MARCHF6: variants seen among roughly 807,000 people sequenced by gnomAD.
MARCHF6 encodes membrane associated ring-CH-type finger 6, also known as E3 ubiquitin-protein ligase MARCHF6.
Under a neutral mutation model 133.7 loss-of-function variants are expected in MARCHF6, and 31 were observed. That is an observed-to-expected ratio of 0.23 (90% CI 0.17 to 0.31). MARCHF6 has a LOEUF of 0.31. MARCHF6 is among the 10% of genes least tolerant of loss of function. The pLI, the probability that MARCHF6 is intolerant of heterozygous loss-of-function variation, is 1.00. For missense variants in MARCHF6, 723 were observed against 1,121.6 expected (o/e 0.64, Z 5.08); for synonymous variants, 395 against 402.5 (o/e 0.98, Z 0.22).
intron 1 of MARCHF6, among the ~76,000 whole-genome samples, chr5:10,360,144 GTT>G (rs1164778520): frequency 1.3e-5 from 1 of 75,094 alleles, no homozygotes; most frequent in African/African-American, 5.4e-5. Flanking sequence ...ATGTGTGTGT[GTT>G]TTTTTTTTTT....
chr5:10,423,963 T>A, intron 23 of MARCHF6, 139 bp downstream of exon 23: 1 of 494,864 alleles, frequency 2.0e-6, no homozygotes, highest in South Asian at 4.6e-5. Flanking sequence ...AACCTTTTTT[T>A]TTTTTTTTAA....
intron 3 of MARCHF6, among the ~76,000 whole-genome samples, chr5:10,379,310 C>A (rs1736984903): frequency 6.6e-6 from 1 of 151,838 alleles, no homozygotes; most frequent in Admixed American, 6.6e-5. Context: ...GGTAAGGGTT[C>A]TTTTTCAAAA....
intron 1 of MARCHF6, among the ~76,000 whole-genome samples, chr5:10,374,777 C>T (rs921147262): frequency 6.6e-6 from 1 of 152,170 alleles, no homozygotes; most frequent in African/African-American, 2.4e-5. Context: ...CTAGCAGCTT[C>T]CAGGAAACCA....
In MARCHF6 at chr5:10,435,098, T is replaced by C. The variant is rs1437668077; in HGVS notation, c.*1414T>C. Reference sequence around the variant, plus strand: ...TCATAGAAAGCGTATAACATAGGTCTTCAGAAACTATAAAAGAATTTTCAT... The same window carrying C: ...TCATAGAAAGCGTATAACATAGGTCCTCAGAAACTATAAAAGAATTTTCAT... On this transcript the variant is annotated 3_prime_UTR_variant, in exon 26 of 26. Transcript: ENST00000274140. 6.6e-6 allele frequency: 1 copy of C among 152,632 alleles called. No individual in the cohort carries two copies. The highest frequency in any genetic ancestry group is 2.4e-5 in the African/African-American group (1 of 41,460). The allele number at this position is 152,632 out of a possible 1,614,324, so 9.5% of individuals were successfully genotyped here. A position where few individuals can be genotyped will look rare whatever the true frequency, so the allele number is the denominator to read the frequency against.
intron 4 of MARCHF6, among the ~76,000 whole-genome samples, chr5:10,383,291 G>A (rs1316242893): frequency 3.9e-5 from 6 of 152,300 alleles, no homozygotes; most frequent in African/African-American, 1.4e-4. Flanking sequence ...AGTCTAGTCT[G>A]TCTAGTAAGT....
chr5:10,421,578 A>G (rs910532970), intron 22 of MARCHF6, among the ~76,000 whole-genome samples: 1 of 152,236 alleles, frequency 6.6e-6, no homozygotes, highest in Admixed American at 6.5e-5. Context: ...CTAGCAGAGC[A>G]GCTAGTGTGG....
chr5:10,390,318 T>A lies in MARCHF6; in HGVS notation c.408-14T>A. On this transcript the variant is annotated splice_polypyrimidine_tract_variant and intron_variant, in intron 5 of 25. Transcript: ENST00000274140. ...CTTCTTTGGAGTAATTATATGTACT[T>A]TTTTTTTTAATAGGGAAAATTTGTT... The A allele has an allele frequency of 6.2e-7, 1 of 1,606,220 alleles. No individual in the cohort carries two copies. The highest frequency in any genetic ancestry group is 1.1e-5 in the South Asian group (1 of 89,736).
chr5:10,357,779 AT>A (rs1735567292), intron 1 of MARCHF6, among the ~76,000 whole-genome samples: 1 of 152,146 alleles, frequency 6.6e-6, no homozygotes, highest in Non-Finnish European at 1.5e-5. Flanking sequence ...GCACTATTCT[AT>A]GCATTTGGGC....
intron 14 of MARCHF6, among the ~76,000 whole-genome samples, chr5:10,402,895 T>TTA (rs1393584861): frequency 6.6e-6 from 1 of 152,108 alleles, no homozygotes; most frequent in African/African-American, 2.4e-5. Flanking sequence ...TGCCAAGACA[T>TTA]TATATACATA....
intron 9 of MARCHF6, among the ~76,000 whole-genome samples, chr5:10,395,222 G>A (rs1453185526): frequency 6.6e-6 from 1 of 152,300 alleles, no homozygotes; most frequent in Non-Finnish European, 1.5e-5. Context: ...GTTGAAGATT[G>A]TATGTTTAGT....
chr5:10,415,714 T>G lies in MARCHF6; in HGVS notation c.2148+45T>G, dbSNP rs923557854. 4.8e-6 allele frequency: 7 copies of G among 1,466,442 alleles called. No individual in the cohort carries two copies. In the African/African-American group the frequency reaches 9.8e-5, roughly 21 times the overall value. 90.8% of individuals were successfully genotyped at this position (1,466,442 alleles called of 1,614,324 possible). A position where few individuals can be genotyped will look rare whatever the true frequency, so the allele number is the denominator to read the frequency against. On this transcript the variant is annotated intron_variant, in intron 21 of 25. Transcript: ENST00000274140. Reference sequence around the variant, plus strand: ...GACTGATCTTGTATGTTAGGAATAGTGAATATTTTTCCAGTCATCTTAAAT... The same window carrying G: ...GACTGATCTTGTATGTTAGGAATAGGGAATATTTTTCCAGTCATCTTAAAT...
Position 10,435,697 on chromosome 5 carries a change from ATTTTTTTTTTTTTTT to A in MARCHF6, c.*2030_*2044del, listed in dbSNP as rs60984668. Reference sequence around the variant, plus strand: ...TATATATATATATATATATATATATATTTTTTTTTTTTTTTTTTTTTTTTTTTTTTTGCCCCCGAG... The same window carrying A: ...TATATATATATATATATATATATATATTTTTTTTTTTTTTTTGCCCCCGAG... On this transcript the variant is annotated 3_prime_UTR_variant, in exon 26 of 26. Transcript: ENST00000274140. 14 of 5,862 alleles carry A rather than the reference ATTTTTTTTTTTTTTT, an allele frequency of 2.4e-3. No individual in the cohort carries two copies. The highest frequency in any genetic ancestry group is 5.9e-3 in the African/African-American group (11 of 1,872). The allele number at this position is 5,862 out of a possible 1,614,324, so 0.4% of individuals were successfully genotyped here.
At chr5:10,423,286 A>G (rs747872314) in intron 22 of MARCHF6, among the ~76,000 whole-genome samples, 1 of 152,202 alleles carries the variant, frequency 6.6e-6, no homozygotes. Context: ...GTTCCCCAGT[A>G]GAACCACAAA....
chr5:10,435,678 TATATATATATATATATATA>T lies in MARCHF6; in HGVS notation c.*1995_*2013del, dbSNP rs1171978259. Reference sequence around the variant, plus strand: ...ATATATATATATATATATATATATATATATATATATATATATATATTTTTTTTTTTTTTTTTTTTTTTTT... The same window carrying T: ...ATATATATATATATATATATATATATTTTTTTTTTTTTTTTTTTTTTTTTT... On this transcript the variant is annotated 3_prime_UTR_variant, in exon 26 of 26. Transcript: ENST00000274140. 22 of 16,500 alleles carry T rather than the reference TATATATATATATATATATA, an allele frequency of 1.3e-3. 3 individuals are homozygous for T. Among genetic ancestry groups the T allele is most frequent in the Non-Finnish European group, 2.5e-3 (20 of 7,940 alleles). 1.0% of individuals were successfully genotyped at this position (16,500 alleles called of 1,614,324 possible).
In MARCHF6 at chr5:10,427,697, T is replaced by C. The variant is rs577495627; in HGVS notation, c.2506+1175T>C. ...TATGTTACCTTACTAGGTCAAGAAATAGAACTTTTCCAGCCCTTTGGAAGC... is the reference window on the plus strand; with the variant it reads ...TATGTTACCTTACTAGGTCAAGAAACAGAACTTTTCCAGCCCTTTGGAAGC... On this transcript the variant is annotated intron_variant, in intron 24 of 25. Transcript: ENST00000274140. Among the ~76,000 whole-genome samples, 5 of 152,256 alleles carry C rather than the reference T, an allele frequency of 3.3e-5. No individual in the cohort carries two copies. The East Asian group carries it at 7.7e-4, about 23-fold the overall frequency.
rs1301946978 is a variant in MARCHF6 at position 10,435,623 on chromosome 5, CTATATAACTATATAACTATATA to C, written c.*1946_*1967del. 27 of 12,552 alleles carry C rather than the reference CTATATAACTATATAACTATATA, an allele frequency of 2.2e-3. 5 individuals are homozygous for C. Among genetic ancestry groups the C allele is most frequent in the African/African-American group, 3.7e-3 (19 of 5,120 alleles). 0.8% of individuals were successfully genotyped at this position (12,552 alleles called of 1,614,324 possible). A position where few individuals can be genotyped will look rare whatever the true frequency, so the allele number is the denominator to read the frequency against. On this transcript the variant is annotated 3_prime_UTR_variant, in exon 26 of 26. Coordinates refer to ENST00000274140, the MANE Select transcript of MARCHF6 (RefSeq NM_005885.4). ...CATTATTATTGAATTGAGCATATAA[CTATATAACTATATAACTATATA>C]TATATATATATATATATATATATAT... is the stretch of plus-strand genomic sequence containing the variant.
At chr5:10,356,787 C>T (rs1239089501) in intron 1 of MARCHF6, among the ~76,000 whole-genome samples, 1 of 152,152 alleles carries the variant, frequency 6.6e-6, no homozygotes, top group African/African-American at 2.4e-5. Context: ...AGTAAGTCTT[C>T]CCTTCCTTTT....
Position 10,386,998 on chromosome 5 carries a change from C to T in MARCHF6, c.339C>T (p.Arg113=), listed in dbSNP as rs1737518601. 4 of 1,613,036 alleles carry T rather than the reference C, an allele frequency of 2.5e-6. No individual in the cohort carries two copies. Among genetic ancestry groups the T allele is most frequent in the Non-Finnish European group, 3.4e-6 (4 of 1,179,068 alleles). ...CATCATGCTCTTTTTCGGTAGGCCG[C>T]ATCTACAAGTGCTTGTTTACTGGCT... ...WLGVVPLTAC[R]IYKCLFTGSV... Residue 113 remains arginine, a synonymous_variant, in exon 5 of 26, where the codon CGC becomes CGT. Transcript: ENST00000274140.
In MARCHF6 at chr5:10,417,332, C is replaced by G. The variant is rs1000190644; in HGVS notation, c.2211C>G (p.Leu737=). Residue 737 remains leucine, a synonymous_variant, in exon 22 of 26, where the codon CTC becomes CTG. Transcript: ENST00000274140. ...GAGTTGTCCCTCTCCTTCTGGGGCT[C>G]CTGTTTGAGCTGGTCATTGTGGCTC... ...LAGVVPLLLG[L]LFELVIVAPL... 6.2e-7 allele frequency: 1 copy of G among 1,614,136 alleles called. No individual in the cohort carries two copies. The highest frequency in any genetic ancestry group is 8.5e-7 in the Non-Finnish European group (1 of 1,180,008).
Sources: allele counts gnomAD v4.1 joint callset (sites outside exome capture counted in the v4.1 genomes callset), GRCh38; gene constraint gnomAD v4.1.1; transcripts MANE v1.5; gene names NCBI Gene and HGNC (gene_info 2026-07-23, HGNC 2026-07-21).